Variants in ATM observed in about 807,000 individuals in gnomAD.
ATM encodes serine-protein kinase ATM.
A neutral mutation model predicts 387.0 loss-of-function variants in ATM; 308 were observed. The observed-to-expected ratio is 0.80, with a 90% CI of 0.73 to 0.87. ATM has a LOEUF of 0.87. Among genes scored for constraint, ATM ranks in the 40% least tolerant of loss-of-function variants. The pLI is 0.00. For synonymous variants in ATM, 1,156 were observed against 1,187.3 expected (o/e 0.97, Z 0.54); for missense variants, 3,312 against 3,560.9 (o/e 0.93, Z 1.78).
chr11:108,248,871 A>G, intron 8 of ATM, 62 bp from the exon 9 acceptor site: 1 of 1,425,268 alleles, frequency 7.0e-7, no homozygotes, highest in Non-Finnish European at 9.5e-7. Flanking sequence ...CTGGGCAACA[A>G]CAGCGAAACT....
At chr11:108,231,431 C>T (rs2079005965) in intron 4 of ATM, 1 of 152,144 alleles carries the variant, frequency 6.6e-6, no homozygotes, top group South Asian at 2.1e-4. Context: ...CGCGGTTGCT[C>T]ACACCTGTAA....
In ATM at chr11:108,258,988, G is replaced by A. The variant is rs1333875379; in HGVS notation, c.2379G>A (p.Lys793=). Residue 793 remains lysine (K), a splice_region_variant and synonymous_variant, in exon 16 of 63, where the codon AAG becomes AAA. Transcript: ENST00000675843. The stretch of plus-strand genomic sequence containing the variant: ...TTCTTTGTTTGTCTTAATTGCAGAA[G>A]AGTCCAAATAAGATTGCATCTGGCT... ...CTRCLSNCTK[K]SPNKIASGFF... is the part of the protein sequence containing the mutation. The A allele has an allele frequency of 1.2e-6, 2 of 1,611,890 alleles. No homozygotes were observed. The highest frequency in any genetic ancestry group is 1.3e-5 in the African/African-American group (1 of 74,874).
rs200765255 is a variant in ATM, at chr11:108,281,097, G to A, written c.3505G>A (p.Glu1169Lys). Reference sequence around the variant, plus strand: ...GGTTTTATCCTGTAGCCCTATCTGCGAAAAACAGGCTTTGTTTGCCCTGTG... The same window carrying A: ...GGTTTTATCCTGTAGCCCTATCTGCAAAAAACAGGCTTTGTTTGCCCTGTG... ...AVVLSCSPIC[E>K]KQALFALCKS... Residue 1169 changes from glutamate to lysine, a missense_variant, in exon 24 of 63, where the codon GAA becomes AAA. Around this residue, in one of 4 missense-constraint regions of ATM, gnomAD observed 1,791 missense variants for 1,804.5 expected, o/e 0.99. Coordinates refer to ENST00000675843, the MANE Select transcript of ATM (RefSeq NM_000051.4). 11 of 1,613,870 alleles carry A rather than the reference G, an allele frequency of 6.8e-6. No individual in the cohort carries two copies. Among genetic ancestry groups the A allele is most frequent in the Non-Finnish European group, 8.5e-6 (10 of 1,179,946 alleles).
intron 8 of ATM, 110 bp from the exon 9 acceptor site, chr11:108,248,823 G>A (rs2079978453): frequency 2.2e-5 from 20 of 898,038 alleles, no homozygotes; most frequent in Non-Finnish European, 3.3e-5. Flanking sequence ...GGGAGGTAGA[G>A]GTTGTGGTGA....
In ATM at chr11:108,331,945, G is replaced by A. The variant is rs1060501604; in HGVS notation, c.7696G>A (p.Ala2566Thr). Residue 2566 changes from alanine (A) to threonine (T), a missense_variant, in exon 52 of 63, where the codon GCA becomes ACA. By Grantham distance (58) the Ala-to-Thr change is moderately conservative. Coordinates refer to ENST00000675843, the MANE Select transcript of ATM (RefSeq NM_000051.4). ...TLFIILALAN[A>T]NRDEFLTKPE... ...GTTTATTATACTGGCCTTAGCAAATGCAAACAGAGATGAATTTCTGACTAA... is the reference window on the plus strand; with the variant it reads ...GTTTATTATACTGGCCTTAGCAAATACAAACAGAGATGAATTTCTGACTAA... 6.2e-7 allele frequency: 1 copy of A among 1,613,900 alleles called. No individual in the cohort carries two copies. Among genetic ancestry groups the A allele is most frequent in the Non-Finnish European group, 8.5e-7 (1 of 1,179,866 alleles).
At chr11:108,290,988 C>G (rs1303149106) in intron 29 of ATM, among the ~76,000 whole-genome samples, 4 of 151,964 alleles carry the variant, frequency 2.6e-5, no homozygotes, top group Non-Finnish European at 5.9e-5. Flanking sequence ...GTAATCCCAG[C>G]ACTTTGGGAG....
intron 22 of ATM, among the ~76,000 whole-genome samples, chr11:108,275,813 A>G (rs2081913913): frequency 2.0e-5 from 3 of 151,740 alleles, no homozygotes; most frequent in African/African-American, 2.4e-5. Context: ...ATTCATTTCA[A>G]CCTTGGTGAA....
Position 108,287,203 on chromosome 11 carries a change from A to C in ATM, c.3994-397A>C, listed in dbSNP as rs4987999. 1.9e-3 allele frequency: 309 copies of C among 159,996 alleles called. 1 individual carries two copies. The highest frequency in any genetic ancestry group is 7.1e-3 in the African/African-American group (294 of 41,618). The allele number at this position is 159,996 out of a possible 1,614,324, so 9.9% of individuals were successfully genotyped here. A position where few individuals can be genotyped will look rare whatever the true frequency, so the allele number is the denominator to read the frequency against. The stretch of plus-strand genomic sequence containing the variant: ...GAATTCTTAACAGTAAAGTTCTGTA[A>C]TTGAGACAGAATTCCCAAATAAAGT... On this transcript the variant is annotated intron_variant, in intron 26 of 62. Coordinates refer to ENST00000675843, the MANE Select transcript of ATM (RefSeq NM_000051.4).
intron 25 of ATM, 70 bp downstream of exon 25, chr11:108,282,949 C>A (rs2135692991): frequency 9.5e-7 from 1 of 1,051,484 alleles, no homozygotes; most frequent in East Asian, 2.6e-5. Flanking sequence ...AGCAAGTCCC[C>A]TCACCAGCAA....
At chr11:108,311,703 CAAAA>C (rs1215790496) in intron 39 of ATM, among the ~76,000 whole-genome samples, 1 of 114,288 alleles carries the variant, frequency 8.7e-6, no homozygotes, top group Non-Finnish European at 1.9e-5. Context: ...ATCTCATAAA[CAAAA>C]AAAAAAAAAT....
intron 16 of ATM, among the ~76,000 whole-genome samples, chr11:108,263,062 A>G (rs2081003153): frequency 6.6e-6 from 1 of 152,056 alleles, no homozygotes; most frequent in African/African-American, 2.4e-5. Flanking sequence ...CACTGTCAAC[A>G]TTAGACAGAT....
intron 61 of ATM, among the ~76,000 whole-genome samples, chr11:108,362,843 A>G (rs1396958047): frequency 6.6e-6 from 1 of 150,588 alleles, no homozygotes; most frequent in African/African-American, 2.4e-5. Flanking sequence ...AGATATACCT[A>G]ATGCTAGATG....
chr11:108,350,989 C>T (rs958777862), intron 59 of ATM, among the ~76,000 whole-genome samples: 1 of 152,024 alleles, frequency 6.6e-6, no homozygotes, highest in Non-Finnish European at 1.5e-5. Flanking sequence ...TTCATAATAG[C>T]CCCTAACTGG....
intron 42 of ATM, 59 bp downstream of exon 42, chr11:108,316,172 G>C (rs2136135823): frequency 7.0e-7 from 1 of 1,436,314 alleles, no homozygotes; most frequent in African/African-American, 1.4e-5. Context: ...GGTTATTTCA[G>C]TATGTTGGTG....
At chr11:108,268,313 T>C (rs1454145597) in intron 17 of ATM, 97 bp from the exon 18 acceptor site, 14 of 1,173,154 alleles carry the variant, frequency 1.2e-5, no homozygotes, top group Non-Finnish European at 1.6e-5. Flanking sequence ...GCTTTTCATA[T>C]ACTTTTTTTT....
At chr11:108,229,929 C>G (rs2078929768) in intron 4 of ATM, 1 of 152,760 alleles carries the variant, frequency 6.5e-6, no homozygotes, top group Non-Finnish European at 1.5e-5. Flanking sequence ...GCAGTCCTCC[C>G]CCTGCTCAGC....
In ATM at chr11:108,367,922, A is replaced by C. The variant is rs1189514071; in HGVS notation, c.*2414A>C. On this transcript the variant is annotated 3_prime_UTR_variant, in exon 63 of 63. Transcript: ENST00000675843. ...TAAATCAAGGAAATGCAGTAAACTT[A>C]AAATGTCTTTAAGAAAGCCCTGAAA... 1 of 206,446 alleles carries C rather than the reference A, an allele frequency of 4.8e-6. No individual in the cohort carries two copies. Among genetic ancestry groups the C allele is most frequent in the Non-Finnish European group, 9.9e-6 (1 of 100,890 alleles). The allele number at this position is 206,446 out of a possible 1,614,324, so 12.8% of individuals were successfully genotyped here.
intron 61 of ATM, among the ~76,000 whole-genome samples, chr11:108,356,665 G>C (rs12277464): frequency 0.011 from 1,713 of 152,020 alleles, 23 homozygotes; most frequent in African/African-American, 0.038. Context: ...AGGTGGATTT[G>C]GGAGTTTCTT....
At chr11:108,278,137 T>C (rs1450773343) in intron 22 of ATM, among the ~76,000 whole-genome samples, 2 of 152,226 alleles carry the variant, frequency 1.3e-5, no homozygotes, top group African/African-American at 4.8e-5. Context: ...ATTACTATAT[T>C]GTTCAGCAGT....
Sources: allele counts gnomAD v4.1 joint callset (sites outside exome capture counted in the v4.1 genomes callset), GRCh38; gene constraint gnomAD v4.1.1; regional missense constraint gnomAD v4.1.1; transcripts MANE v1.5; gene names NCBI Gene and HGNC (gene_info 2026-07-23, HGNC 2026-07-21).